CAMSAP2: variants seen among roughly 807,000 people sequenced by gnomAD.
CAMSAP2 encodes calmodulin-regulated spectrin-associated protein 2.
Under a neutral mutation model 146.1 loss-of-function variants are expected in CAMSAP2, and 26 were observed. That is an observed-to-expected ratio of 0.18 (90% CI 0.13 to 0.25). The LOEUF (loss-of-function observed/expected upper bound fraction) is 0.25. Ranked by LOEUF, CAMSAP2 falls within the 10% of genes least tolerant of loss-of-function variation. CAMSAP2 has a pLI of 1.00. For synonymous variants in CAMSAP2, 499 were observed against 596.6 expected (o/e 0.84, Z 2.38); for missense variants, 1,381 against 1,759.3 (o/e 0.78, Z 3.85).
intron 2 of CAMSAP2, among the ~76,000 whole-genome samples, chr1:200,774,500 A>G (rs968959774): frequency 6.6e-6 from 1 of 152,222 alleles, no homozygotes; most frequent in Non-Finnish European, 1.5e-5. Context: ...TCCTGAAGCT[A>G]AAACTGTTAG....
intron 4 of CAMSAP2, among the ~76,000 whole-genome samples, chr1:200,817,230 A>T (rs79345288): frequency 1.1e-5 from 1 of 87,012 alleles, no homozygotes; most frequent in Non-Finnish European, 2.7e-5. Flanking sequence ...ATGTGTGTGT[A>T]TATACACACA....
chr1:200,783,035 G>T (rs971641627), intron 2 of CAMSAP2, among the ~76,000 whole-genome samples: 1 of 151,622 alleles, frequency 6.6e-6, no homozygotes, highest in Non-Finnish European at 1.5e-5. Flanking sequence ...CAAAGTACTG[G>T]ATTACAGGCC....
chr1:200,855,894 C>G, intron 14 of CAMSAP2, 116 bp from the exon 15 acceptor site: 2 of 690,612 alleles, frequency 2.9e-6, no homozygotes, highest in Non-Finnish European at 5.1e-6. Flanking sequence ...CGCGCCCGGC[C>G]TTATCATATT....
At chr1:200,823,987 T>C (rs1430726872) in intron 4 of CAMSAP2, among the ~76,000 whole-genome samples, 2 of 152,242 alleles carry the variant, frequency 1.3e-5, no homozygotes, top group African/African-American at 4.8e-5. Flanking sequence ...CTCAAAATTT[T>C]ACAGCATCAG....
At chr1:200,787,136 T>G (rs1665617114) in intron 2 of CAMSAP2, among the ~76,000 whole-genome samples, 1 of 152,198 alleles carries the variant, frequency 6.6e-6, no homozygotes, top group African/African-American at 2.4e-5. Flanking sequence ...CTAACACAGC[T>G]TCTGTTCTGT....
Position 200,795,682 on chromosome 1 carries a change from A to G in CAMSAP2, c.400-11694A>G, listed in dbSNP as rs569685880. ...TATATTAAGTTTGCAATAAAGCTTA[A>G]TATCAGCTTGTTTTAACATTATCTT... On this transcript the variant is annotated intron_variant, in intron 2 of 16. Transcript: ENST00000358823. Among the ~76,000 whole-genome samples, 11 of 152,338 alleles carry G rather than the reference A, an allele frequency of 7.2e-5. No individual in the cohort carries two copies. The East Asian group carries it at 1.7e-3, about 24-fold the overall frequency.
intron 11 of CAMSAP2, among the ~76,000 whole-genome samples, chr1:200,852,228 C>G (rs1408114034): frequency 2.0e-5 from 3 of 152,124 alleles, no homozygotes; most frequent in African/African-American, 7.2e-5. Context: ...GAACTACCTA[C>G]TGTAAGTTAT....
At chr1:200,806,065 C>T (rs1049101963) in intron 2 of CAMSAP2, among the ~76,000 whole-genome samples, 7 of 152,042 alleles carry the variant, frequency 4.6e-5, no homozygotes, top group African/African-American at 1.7e-4. Flanking sequence ...ATGTTATCAA[C>T]TCCAAAGCCA....
intron 6 of CAMSAP2, among the ~76,000 whole-genome samples, chr1:200,841,327 A>G (rs1196596741): frequency 6.6e-6 from 1 of 152,102 alleles, no homozygotes; most frequent in East Asian, 1.9e-4. Flanking sequence ...GCTCACTGCA[A>G]CCTCTGTGTC....
chr1:200,798,048 A>G (rs1251309371), intron 2 of CAMSAP2, among the ~76,000 whole-genome samples: 2 of 150,870 alleles, frequency 1.3e-5, no homozygotes, highest in East Asian at 3.9e-4. Flanking sequence ...TTTTGGTACC[A>G]GTACCATGCT....
rs780489347 is a variant in CAMSAP2 at position 200,853,454 on chromosome 1, A to C, written c.3782A>C (p.Asp1261Ala). ...KKQRPKSIHRDHIESPKTPIK... is the reference protein window; with the variant it reads ...KKQRPKSIHRAHIESPKTPIK... ...CAGCGACCAAAATCTATTCACAGAG[A>C]TCATATTGAATCCCCCAAAACACCA... Residue 1261 changes from aspartate (D) to alanine (A), a missense_variant, in exon 13 of 17, where the codon GAT becomes GCT. Physicochemically the swap from Asp to Ala is moderately radical, Grantham distance 126. This residue lies in a region of CAMSAP2 where 560 missense variants were observed against 715.9 expected (regional missense o/e 0.78). Coordinates refer to ENST00000358823, the MANE Select transcript of CAMSAP2 (RefSeq NM_203459.4). The surrounding 1 kb of genome is among the most constrained non-coding windows in gnomAD (Gnocchi z 5.1). 1 of 1,613,792 alleles carries C rather than the reference A, an allele frequency of 6.2e-7. No homozygotes were observed. Among genetic ancestry groups the C allele is most frequent in the Non-Finnish European group, 8.5e-7 (1 of 1,179,878 alleles).
intron 2 of CAMSAP2, among the ~76,000 whole-genome samples, chr1:200,764,906 C>G (rs1558166549): frequency 6.6e-6 from 1 of 152,010 alleles, no homozygotes; most frequent in Non-Finnish European, 1.5e-5. Context: ...GAGTTTGAGA[C>G]CAGCCTGGCC....
chr1:200,756,371 C>T lies in CAMSAP2; in HGVS notation c.140-4468C>T, dbSNP rs1032608573. ...GGAAGGCTGAGGCACAAGAATTGCC[C>T]GAACCCAGGAGGTGGAGGTTGCAGT... is the stretch of plus-strand genomic sequence containing the variant. On this transcript the variant is annotated intron_variant, in intron 1 of 16. Transcript: ENST00000358823. Among the ~76,000 whole-genome samples the T allele has an allele frequency of 2.0e-5, 3 of 151,536 alleles. No homozygotes were observed. The East Asian group carries it at 5.8e-4, about 29-fold the overall frequency.
chr1:200,847,194 T>G lies in CAMSAP2; in HGVS notation c.1110-16T>G, dbSNP rs370055009. 158 of 1,578,250 alleles carry G rather than the reference T, an allele frequency of 1.0e-4. 1 individual carries two copies. In the African/African-American group the frequency reaches 1.4e-3, roughly 14 times the overall value. On this transcript the variant is annotated splice_polypyrimidine_tract_variant and intron_variant, in intron 8 of 16. Coordinates refer to ENST00000358823, the MANE Select transcript of CAMSAP2 (RefSeq NM_203459.4). Reference sequence around the variant, plus strand: ...ACAGCTAAAATATAACATTTTAAATTTATTTTCCATTGCAGTGGGGAAGGA... The same window carrying G: ...ACAGCTAAAATATAACATTTTAAATGTATTTTCCATTGCAGTGGGGAAGGA...
In CAMSAP2 at chr1:200,832,651, A is replaced by C; in HGVS notation, c.788-55A>C. On this transcript the variant is annotated intron_variant, in intron 5 of 16. Coordinates refer to ENST00000358823, the MANE Select transcript of CAMSAP2 (RefSeq NM_203459.4). The surrounding 1 kb of genome is among the most constrained non-coding windows in gnomAD (Gnocchi z 4.2). ...GTACTAATTACAAGATGGATATGAA[A>C]TATTTATTATCAAATTAATCCAAAG... 4 of 1,410,152 alleles carry C rather than the reference A, an allele frequency of 2.8e-6. No homozygotes were observed. Among genetic ancestry groups the C allele is most frequent in the Non-Finnish European group, 3.8e-6 (4 of 1,040,850 alleles). The allele number at this position is 1,410,152 out of a possible 1,614,324, so 87.4% of individuals were successfully genotyped here. A position where few individuals can be genotyped will look rare whatever the true frequency, so the allele number is the denominator to read the frequency against.
At chr1:200,850,504 A>G (rs1316986246) in intron 11 of CAMSAP2, among the ~76,000 whole-genome samples, 1 of 152,230 alleles carries the variant, frequency 6.6e-6, no homozygotes, top group Non-Finnish European at 1.5e-5. Flanking sequence ...CCTTTTAAAA[A>G]TTAAGCTACT....
intron 2 of CAMSAP2, among the ~76,000 whole-genome samples, chr1:200,794,935 T>C (rs1172301738): frequency 6.6e-6 from 1 of 152,226 alleles, no homozygotes; most frequent in Non-Finnish European, 1.5e-5. Flanking sequence ...ACATAAACCA[T>C]GTTATTTTTA....
rs1664080917 is a variant in CAMSAP2 at position 200,739,476 on chromosome 1, C to G, written c.-352C>G. The G allele has an allele frequency of 6.4e-6, 1 of 155,054 alleles. No homozygotes were observed. Among genetic ancestry groups the G allele is most frequent in the African/African-American group, 2.4e-5 (1 of 41,502 alleles). The allele number at this position is 155,054 out of a possible 1,614,324, so 9.6% of individuals were successfully genotyped here. On this transcript the variant is annotated 5_prime_UTR_variant, in exon 1 of 17. Coordinates refer to ENST00000358823, the MANE Select transcript of CAMSAP2 (RefSeq NM_203459.4). The surrounding 1 kb of genome is among the most constrained non-coding windows in gnomAD (Gnocchi z 4.8). The stretch of plus-strand genomic sequence containing the variant: ...TCCAGCCTCCACCCTCCCCCAAGCC[C>G]GTGTGACTAAACCGAGACAAAGGGG...
intron 4 of CAMSAP2, among the ~76,000 whole-genome samples, chr1:200,827,989 CACTT>C (rs548736502): frequency 5.6e-4 from 85 of 152,146 alleles, no homozygotes; most frequent in African/African-American, 2.0e-3. Context: ...TTGCTTTAGA[CACTT>C]ACAAAAATCT....
Sources: gnomAD v4.1 joint callset for allele counts (sites outside exome capture counted in the v4.1 genomes callset) on GRCh38, gnomAD v4.1.1 for gene constraint, gnomAD v4.1.1 regional missense constraint, Gnocchi (gnomAD v3.1) non-coding constraint, MANE v1.5 for transcripts, NCBI Gene and HGNC (gene_info 2026-07-23, HGNC 2026-07-21) for gene names.